CALCR: variants seen among roughly 807,000 people sequenced by gnomAD.
CALCR encodes calcitonin receptor.
Under a neutral mutation model 59.5 loss-of-function variants are expected in CALCR, and 47 were observed. The observed-to-expected ratio is 0.79, with a 90% CI of 0.63 to 1.01. The LOEUF (loss-of-function observed/expected upper bound fraction) is 1.01. Ranked by LOEUF, CALCR falls within the 50% of genes least tolerant of loss-of-function variation. The pLI, the probability that CALCR is intolerant of heterozygous loss-of-function variation, is 0.00. For synonymous variants in CALCR, 213 were observed against 211.3 expected (o/e 1.01, Z -0.07); for missense variants, 566 against 597.1 (o/e 0.95, Z 0.54).
At position 93,479,345 on chromosome 7, in the gene CALCR, T is replaced by G; in HGVS notation, c.205+9A>C. ...TCAAACATATGTTCATATATATCCT[T>G]CTCTTTACCTTCTCCTTGGTATGCG... On this transcript the variant is annotated intron_variant, in intron 4 of 13. Coordinates refer to ENST00000426151, the MANE Select transcript of CALCR (RefSeq NM_001742.4). The G allele has an allele frequency of 6.2e-7, 1 of 1,603,750 alleles. No homozygotes were observed. Among genetic ancestry groups the G allele is most frequent in the Non-Finnish European group, 8.5e-7 (1 of 1,175,452 alleles).
chr7:93,540,148 A>G (rs1172636232), intron 2 of CALCR, among the ~76,000 whole-genome samples: 1 of 152,176 alleles, frequency 6.6e-6, no homozygotes, highest in African/African-American at 2.4e-5. Flanking sequence ...TGCAATCAAA[A>G]ACTCCGATTA....
At chr7:93,557,811 A>C (rs972956650) in intron 2 of CALCR, among the ~76,000 whole-genome samples, 18 of 151,964 alleles carry the variant, frequency 1.2e-4, no homozygotes, top group Non-Finnish European at 1.8e-4. Context: ...GTTATCATAT[A>C]CTAAATTCCA....
Position 93,541,994 on chromosome 7 carries a change from G to GA in CALCR, c.-27+32294dup, listed in dbSNP as rs541179841. 3.9e-3 allele frequency among the ~76,000 whole-genome samples: 589 copies of GA among 151,924 alleles called. 6 individuals are homozygous for GA. Among genetic ancestry groups the GA allele is most frequent in the African/African-American group, 0.014 (562 of 41,436 alleles). ...TGATTACATAAAATTTGGAAAATTA[G>GA]AAAAAAATACATAGAGAAAAAGTCA... On this transcript the variant is annotated intron_variant, in intron 2 of 13. Transcript: ENST00000426151.
chr7:93,450,092 C>G (rs1800080026), intron 8 of CALCR, among the ~76,000 whole-genome samples: 1 of 152,014 alleles, frequency 6.6e-6, no homozygotes, highest in Non-Finnish European at 1.5e-5. Context: ...CCTTTTCCAT[C>G]TATCCTTTCA....
At chr7:93,485,162 C>T (rs1470920154) in intron 3 of CALCR, among the ~76,000 whole-genome samples, 9 of 151,476 alleles carry the variant, frequency 5.9e-5, no homozygotes, top group African/African-American at 2.2e-4. Flanking sequence ...ACAAATCCTC[C>T]AAATCAAATA....
intron 2 of CALCR, among the ~76,000 whole-genome samples, chr7:93,540,203 T>C (rs989156312): frequency 6.6e-6 from 1 of 152,224 alleles, no homozygotes; most frequent in Non-Finnish European, 1.5e-5. Flanking sequence ...TTGGACCTGG[T>C]GAGTTTTCAG....
Position 93,446,261 on chromosome 7 carries a change from A to G in CALCR, c.649-2504T>C, listed in dbSNP as rs115218625. ...TCACCAGTCTATTCATTTTTAAAAG[A>G]AACACCTCATGAAAATAATTAGAAA... On this transcript the variant is annotated intron_variant, in intron 8 of 13. Coordinates refer to ENST00000426151, the MANE Select transcript of CALCR (RefSeq NM_001742.4). Among the ~76,000 whole-genome samples, 1,189 of 152,146 alleles carry G rather than the reference A, an allele frequency of 7.8e-3. 16 individuals are homozygous for G. The highest frequency in any genetic ancestry group is 0.028 in the African/African-American group (1,152 of 41,538).
chr7:93,449,326 G>C (rs1005635896), intron 8 of CALCR, among the ~76,000 whole-genome samples: 5 of 151,994 alleles, frequency 3.3e-5, no homozygotes, highest in African/African-American at 1.2e-4. Flanking sequence ...TTACCTGAAG[G>C]AAAAGACATT....
chr7:93,428,258 C>G (rs552568967), intron 13 of CALCR, among the ~76,000 whole-genome samples: 1 of 152,296 alleles, frequency 6.6e-6, no homozygotes, highest in African/African-American at 2.4e-5. Context: ...CTCACAACAG[C>G]CCTATGGGAA....
intron 8 of CALCR, 120 bp downstream of exon 8, chr7:93,460,701 G>C: frequency 1.6e-6 from 1 of 608,710 alleles, no homozygotes; most frequent in Non-Finnish European, 2.6e-6. Flanking sequence ...CTCGACGGTA[G>C]AAGTAAATAT....
chr7:93,478,900 G>C (rs981731029), intron 4 of CALCR, among the ~76,000 whole-genome samples: 11 of 151,922 alleles, frequency 7.2e-5, no homozygotes, highest in African/African-American at 2.7e-4. Context: ...CTCCTGGAAA[G>C]TGGGGCCAGA....
At chr7:93,520,900 T>C (rs1312131905) in intron 2 of CALCR, among the ~76,000 whole-genome samples, 3 of 152,142 alleles carry the variant, frequency 2.0e-5, no homozygotes, top group African/African-American at 7.2e-5. Context: ...CCACTTTAAA[T>C]GGTGTTGGAG....
At chr7:93,552,429 G>A (rs1563018094) in intron 2 of CALCR, among the ~76,000 whole-genome samples, 1 of 152,092 alleles carries the variant, frequency 6.6e-6, no homozygotes, top group Admixed American at 6.6e-5. Flanking sequence ...GTCATTTAAA[G>A]CTAAGATTCA....
chr7:93,532,943 G>A (rs1284987031), intron 2 of CALCR, among the ~76,000 whole-genome samples: 1 of 150,338 alleles, frequency 6.7e-6, no homozygotes, highest in African/African-American at 2.5e-5. Context: ...TTCCAGGATT[G>A]TGACAAGTAT....
intron 2 of CALCR, among the ~76,000 whole-genome samples, chr7:93,537,815 T>C (rs1584615407): frequency 1.3e-5 from 2 of 151,878 alleles, no homozygotes; most frequent in East Asian, 3.9e-4. Flanking sequence ...ACTACATATT[T>C]GATATGTTTG....
chr7:93,464,147 A>C lies in CALCR; in HGVS notation c.522-3200T>G, dbSNP rs996672841. Reference sequence around the variant, plus strand: ...ATTTGTTTCAAGTTATTAGTACCCTACGTGTGTGTGAGTGTGTACTTTTTG... The same window carrying C: ...ATTTGTTTCAAGTTATTAGTACCCTCCGTGTGTGTGAGTGTGTACTTTTTG... On this transcript the variant is annotated intron_variant, in intron 7 of 13. Transcript: ENST00000426151. Among the ~76,000 whole-genome samples the C allele has an allele frequency of 2.0e-5, 3 of 152,030 alleles. No homozygotes were observed. In the East Asian group the frequency reaches 5.8e-4, roughly 29 times the overall value.
At chr7:93,460,978 C>T (rs780017482) in intron 7 of CALCR, 31 bp from the exon 8 acceptor site, 2 of 1,571,988 alleles carry the variant, frequency 1.3e-6, no homozygotes, top group South Asian at 1.2e-5. Context: ...AAGCATTAAC[C>T]AGTGCCAAAA....
At chr7:93,460,650 C>A (rs1226603705) in intron 8 of CALCR, among the ~76,000 whole-genome samples, 171 bp downstream of exon 8, 1 of 139,530 alleles carries the variant, frequency 7.2e-6, no homozygotes, top group Non-Finnish European at 1.5e-5. Flanking sequence ...TAATTTCTTA[C>A]AGAAACTACA....
intron 3 of CALCR, among the ~76,000 whole-genome samples, chr7:93,480,267 T>C (rs1325431143): frequency 6.6e-6 from 1 of 151,966 alleles, no homozygotes; most frequent in Non-Finnish European, 1.5e-5. Context: ...TCTGTCACAC[T>C]GTTCTTCCTA....
Sources: allele counts gnomAD v4.1 joint callset (sites outside exome capture counted in the v4.1 genomes callset), GRCh38; gene constraint gnomAD v4.1.1; transcripts MANE v1.5; gene names NCBI Gene and HGNC (gene_info 2026-07-23, HGNC 2026-07-21).